Variants in FHL2 observed in about 807,000 individuals in gnomAD.
The protein encoded by FHL2 is four and a half LIM domains 2.
A neutral mutation model predicts 32.7 loss-of-function variants in FHL2; 20 were observed. The ratio of observed to expected loss-of-function variants is 0.61; its 90% CI spans 0.43 to 0.89. The LOEUF is 0.89. FHL2 is among the 40% of genes least tolerant of loss of function. The pLI is 0.00. For missense variants in FHL2, 311 were observed against 358.6 expected (o/e 0.87, Z 1.07); for synonymous variants, 123 against 128.1 (o/e 0.96, Z 0.27).
intron 1 of FHL2, among the ~76,000 whole-genome samples, chr2:105,411,377 A>G (rs1010352175): frequency 6.6e-6 from 1 of 151,860 alleles, no homozygotes; most frequent in African/African-American, 2.4e-5. Context: ...AGCAAATTTT[A>G]AAAAAAAGTA....
intron 1 of FHL2, among the ~76,000 whole-genome samples, chr2:105,408,422 C>T (rs1206701935): frequency 6.6e-6 from 1 of 152,230 alleles, no homozygotes; most frequent in Non-Finnish European, 1.5e-5. Flanking sequence ...CATCCACAGC[C>T]TGTCTTAGAA....
intron 1 of FHL2, among the ~76,000 whole-genome samples, chr2:105,425,907 C>G (rs1235943084): frequency 6.6e-6 from 1 of 152,134 alleles, no homozygotes; most frequent in Non-Finnish European, 1.5e-5. Context: ...AGGCCGGTGC[C>G]GGTGCAGGTC....
chr2:105,369,125 G>A (rs1264130953), intron 4 of FHL2, among the ~76,000 whole-genome samples: 2 of 152,188 alleles, frequency 1.3e-5, no homozygotes, highest in Admixed American at 1.3e-4. Context: ...AAGGAAAAAT[G>A]TTGCCAATCC....
At chr2:105,411,308 T>C (rs1683781250) in intron 1 of FHL2, among the ~76,000 whole-genome samples, 1 of 152,182 alleles carries the variant, frequency 6.6e-6, no homozygotes, top group Non-Finnish European at 1.5e-5. Context: ...CTTTTTAAGA[T>C]AAAGACAAAT....
chr2:105,405,549 T>C (rs1325158996), intron 1 of FHL2, among the ~76,000 whole-genome samples: 5 of 152,248 alleles, frequency 3.3e-5, no homozygotes, highest in Non-Finnish European at 5.9e-5. Flanking sequence ...AGTGCTAGGA[T>C]TACAGGCGTG....
chr2:105,405,804 A>G (rs980170457), intron 1 of FHL2, among the ~76,000 whole-genome samples: 10 of 152,244 alleles, frequency 6.6e-5, no homozygotes, highest in African/African-American at 2.4e-4. Flanking sequence ...CAGGTCCAGG[A>G]GCTCCTATGG....
upstream of FHL2, chr2:105,399,138 G>A (rs747832963): frequency 2.0e-5 from 27 of 1,369,952 alleles, no homozygotes; most frequent in Admixed American, 3.9e-5. Context: ...CGCTGGCACC[G>A]GGCGTGGGGC....
At chr2:105,410,430 T>C (rs1213355681) in intron 1 of FHL2, among the ~76,000 whole-genome samples, 1 of 152,136 alleles carries the variant, frequency 6.6e-6, no homozygotes, top group Non-Finnish European at 1.5e-5. Flanking sequence ...AGAGTTAAAC[T>C]GAATGTGAGC....
chr2:105,383,875 CA>C (rs758114630), intron 3 of FHL2, among the ~76,000 whole-genome samples: 25 of 152,158 alleles, frequency 1.6e-4, no homozygotes, highest in Non-Finnish European at 3.1e-4. Flanking sequence ...CTTTTTGTTC[CA>C]AAATGTACAA....
At chr2:105,407,391 CAAA>C (rs35638962) in intron 1 of FHL2, among the ~76,000 whole-genome samples, 7 of 78,480 alleles carry the variant, frequency 8.9e-5, no homozygotes, top group Non-Finnish European at 5.1e-5. Context: ...GACTCTGTCT[CAAA>C]AAAAAAAAAA....
intron 4 of FHL2, among the ~76,000 whole-genome samples, chr2:105,371,272 G>A (rs772223826): frequency 2.0e-5 from 3 of 152,084 alleles, no homozygotes; most frequent in East Asian, 3.9e-4. Context: ...AGCAAGCTTC[G>A]AGTGCAGCAC....
chr2:105,408,919 C>T (rs1683713119), intron 1 of FHL2, among the ~76,000 whole-genome samples: 1 of 152,076 alleles, frequency 6.6e-6, no homozygotes, highest in Admixed American at 6.5e-5. Context: ...ACCCTACATC[C>T]AACGTGATGT....
intron 1 of FHL2, among the ~76,000 whole-genome samples, chr2:105,432,465 G>T (rs968368526): frequency 6.6e-6 from 1 of 152,210 alleles, no homozygotes; most frequent in East Asian, 1.9e-4. Flanking sequence ...TTGAAGGAAA[G>T]AGACTATCCT....
At position 105,363,282 on chromosome 2, in the gene FHL2, C is replaced by A. The variant is rs1475138136; in HGVS notation, c.688+3G>T. 1 of 1,613,730 alleles carries A rather than the reference C, an allele frequency of 6.2e-7. No homozygotes were observed. The highest frequency in any genetic ancestry group is 8.5e-7 in the Non-Finnish European group (1 of 1,179,708). On this transcript the variant is annotated splice_donor_region_variant and intron_variant, in intron 6 of 6. Transcript: ENST00000530340. Reference sequence around the variant, plus strand: ...CTGGAAATGGGAACCCCGGGACACTCACCGCTGATGGGGTTGGTGCACCCA... The same window carrying A: ...CTGGAAATGGGAACCCCGGGACACTAACCGCTGATGGGGTTGGTGCACCCA...
chr2:105,378,056 T>G (rs1375151646), intron 3 of FHL2: 18 of 471,018 alleles, frequency 3.8e-5, no homozygotes, highest in Non-Finnish European at 7.5e-5. Context: ...CCACTAGATG[T>G]CACCACAGCC....
At chr2:105,417,981 C>CA (rs901230143) in intron 1 of FHL2, among the ~76,000 whole-genome samples, 1 of 152,018 alleles carries the variant, frequency 6.6e-6, no homozygotes, top group South Asian at 2.1e-4. Context: ...TTAATAGTAT[C>CA]AAAAAAATAG....
Position 105,368,607 on chromosome 2 carries a change from G to T in FHL2, c.332-868C>A, listed in dbSNP as rs569322843. Reference sequence around the variant, plus strand: ...ATACATTTCTACCATTTCTCCAAGTGAACTGAGGAGCTCTAGAGAACTGAA... The same window carrying T: ...ATACATTTCTACCATTTCTCCAAGTTAACTGAGGAGCTCTAGAGAACTGAA... On this transcript the variant is annotated intron_variant, in intron 4 of 6. Transcript: ENST00000530340. Among the ~76,000 whole-genome samples the T allele has an allele frequency of 3.3e-5, 5 of 152,256 alleles. No homozygotes were observed. The East Asian group carries it at 9.6e-4, about 29-fold the overall frequency.
At chr2:105,413,572 C>T (rs1230790247) in intron 1 of FHL2, among the ~76,000 whole-genome samples, 1 of 152,190 alleles carries the variant, frequency 6.6e-6, no homozygotes, top group Non-Finnish European at 1.5e-5. Context: ...TTCCTGGGCT[C>T]AGGTGATCCT....
In FHL2 at chr2:105,399,023, G is replaced by T; in HGVS notation, c.-257C>A. ...ACGGGGCTGGAGGGCGCGGGCGGCT[G>T]GTGGCTGCGGCTCCGCTGCCGGCCG... is the stretch of plus-strand genomic sequence containing the variant. On this transcript the variant is annotated 5_prime_UTR_variant, in exon 1 of 7. Transcript: ENST00000530340. 6.7e-7 allele frequency: 1 copy of T among 1,494,814 alleles called. No homozygotes were observed. The highest frequency in any genetic ancestry group is 2.4e-5 in the Admixed American group (1 of 42,008). The allele number at this position is 1,494,814 out of a possible 1,614,324, so 92.6% of individuals were successfully genotyped here. A position where few individuals can be genotyped will look rare whatever the true frequency, so the allele number is the denominator to read the frequency against.
Sources: allele counts gnomAD v4.1 joint callset (sites outside exome capture counted in the v4.1 genomes callset), GRCh38; gene constraint gnomAD v4.1.1; transcripts MANE v1.5; gene names NCBI Gene and HGNC (gene_info 2026-07-23, HGNC 2026-07-21).